Variants in FHIT observed in about 807,000 individuals in gnomAD.
FHIT encodes fragile histidine triad diadenosine triphosphatase.
FHIT carries 19 observed loss-of-function variants against 17.9 expected under a neutral mutation model. That is an observed-to-expected ratio of 1.06 (90% CI 0.74 to 1.56). The LOEUF is 1.56. FHIT is among the 40% of genes most tolerant of loss of function. The probability of loss-of-function intolerance (pLI) is 0.00; values close to 1 mark genes in which losing one functional copy is unlikely to be tolerated. For missense variants in FHIT, 248 were observed against 189.2 expected, an observed-to-expected ratio of 1.31 and a Z score of -1.82; for synonymous variants, 81 against 69.7, an observed-to-expected ratio of 1.16 and a Z score of -0.81.
At chr3:61,184,748 C>T (rs1226450577) in intron 2 of FHIT, among the ~76,000 whole-genome samples, 2 of 152,102 alleles carry the variant, frequency 1.3e-5, no homozygotes, top group Non-Finnish European at 2.9e-5. Context: ...CTACAAGCAT[C>T]TAAATGTAGA....
At chr3:60,809,392 G>C (rs1344220767) in intron 4 of FHIT, among the ~76,000 whole-genome samples, 1 of 152,094 alleles carries the variant, frequency 6.6e-6, no homozygotes, top group Non-Finnish European at 1.5e-5. Context: ...CATGGCACTA[G>C]ATAGTGGGGG....
At chr3:59,772,306 C>G (rs781732112) in intron 8 of FHIT, among the ~76,000 whole-genome samples, 6 of 152,218 alleles carry the variant, frequency 3.9e-5, no homozygotes, top group Non-Finnish European at 7.3e-5. Context: ...TTATCACCCA[C>G]GCTATTAGGC....
At chr3:59,918,387 T>C (rs1575694351) in intron 8 of FHIT, among the ~76,000 whole-genome samples, 1 of 152,264 alleles carries the variant, frequency 6.6e-6, no homozygotes. Context: ...GAAATAGGTA[T>C]GGCGATATAG....
chr3:60,372,583 T>C (rs924657858), intron 5 of FHIT, among the ~76,000 whole-genome samples: 3 of 152,208 alleles, frequency 2.0e-5, no homozygotes, highest in African/African-American at 7.2e-5. Context: ...TGAGTACAAG[T>C]TCGGGCCGAT....
chr3:60,787,093 T>G (rs73836125), intron 4 of FHIT, among the ~76,000 whole-genome samples: 1 of 152,092 alleles, frequency 6.6e-6, no homozygotes, highest in Non-Finnish European at 1.5e-5. Context: ...ATATATTATT[T>G]TGTCAGCTTC....
At chr3:60,813,892 G>A (rs927021589) in intron 4 of FHIT, among the ~76,000 whole-genome samples, 1 of 151,978 alleles carries the variant, frequency 6.6e-6, no homozygotes, top group Non-Finnish European at 1.5e-5. Context: ...GAGTTTGTCT[G>A]ATATTATTAT....
At chr3:61,228,895 T>C (rs147753899) in intron 1 of FHIT, among the ~76,000 whole-genome samples, 2 of 152,320 alleles carry the variant, frequency 1.3e-5, no homozygotes, top group East Asian at 3.9e-4. Flanking sequence ...ACTTCCTCTA[T>C]ACAAGGTACC....
chr3:60,715,162 C>G (rs1414954461), intron 4 of FHIT, among the ~76,000 whole-genome samples: 3 of 151,974 alleles, frequency 2.0e-5, no homozygotes, highest in Non-Finnish European at 4.4e-5. Context: ...TTTGACAAAC[C>G]TGACAAAAAC....
intron 5 of FHIT, among the ~76,000 whole-genome samples, chr3:60,020,664 C>G (rs1700522101): frequency 6.6e-6 from 1 of 152,014 alleles, no homozygotes; most frequent in South Asian, 2.1e-4. Flanking sequence ...CTCAGCAGAC[C>G]CTGTATAATT....
At chr3:59,765,720 G>A (rs892225387) in intron 8 of FHIT, among the ~76,000 whole-genome samples, 7 of 152,144 alleles carry the variant, frequency 4.6e-5, no homozygotes, top group Non-Finnish European at 8.8e-5. Context: ...ACAACAATAT[G>A]ACTGCCAGGT....
At chr3:61,013,850 TTTTC>T (rs1296621061) in intron 3 of FHIT, among the ~76,000 whole-genome samples, 15 of 152,226 alleles carry the variant, frequency 9.9e-5, no homozygotes, top group African/African-American at 3.1e-4. Flanking sequence ...TCTTTCACAG[TTTTC>T]TTTCTGAGAC....
chr3:60,897,579 T>G (rs1705894418), intron 3 of FHIT, among the ~76,000 whole-genome samples: 7 of 152,340 alleles, frequency 4.6e-5, no homozygotes, highest in Admixed American at 4.6e-4. Flanking sequence ...TTTCTTATAC[T>G]GGCTAATTTT....
At chr3:60,919,603 A>G (rs1707175554) in intron 3 of FHIT, among the ~76,000 whole-genome samples, 1 of 152,204 alleles carries the variant, frequency 6.6e-6, no homozygotes, top group Admixed American at 6.5e-5. Context: ...AGCAAAGAGC[A>G]AAGCAGAGAG....
chr3:60,398,906 G>T (rs1041078742), intron 5 of FHIT, among the ~76,000 whole-genome samples: 1 of 152,022 alleles, frequency 6.6e-6, no homozygotes, highest in Admixed American at 6.6e-5. Context: ...ATTTATGTAT[G>T]CATATACACA....
intron 8 of FHIT, among the ~76,000 whole-genome samples, chr3:59,787,944 G>A (rs536813215): frequency 7.9e-5 from 12 of 152,132 alleles, no homozygotes; most frequent in South Asian, 6.2e-4. Flanking sequence ...TCTTTTTACC[G>A]TAGAGTGAAA....
At chr3:61,078,494 G>A (rs1304704350) in intron 2 of FHIT, among the ~76,000 whole-genome samples, 4 of 152,062 alleles carry the variant, frequency 2.6e-5, no homozygotes, top group African/African-American at 9.7e-5. Flanking sequence ...ACAGGCACCC[G>A]ATAGTCATTA....
chr3:59,771,000 T>A (rs577628846), intron 8 of FHIT, among the ~76,000 whole-genome samples: 2 of 152,350 alleles, frequency 1.3e-5, no homozygotes, highest in South Asian at 4.1e-4. Context: ...TTTTCACATT[T>A]GCACATCGCC....
intron 8 of FHIT, among the ~76,000 whole-genome samples, chr3:59,884,863 C>T (rs1300369506): frequency 6.6e-6 from 1 of 152,184 alleles, no homozygotes; most frequent in Non-Finnish European, 1.5e-5. Flanking sequence ...AATATGCACT[C>T]TGTATGTCTC....
intron 3 of FHIT, among the ~76,000 whole-genome samples, chr3:60,866,779 C>T (rs74582062): frequency 0.049 from 7,413 of 152,254 alleles, 263 homozygotes; most frequent in Non-Finnish European, 0.077. Flanking sequence ...TCACAATTAT[C>T]AGGAGATATA....
Sources: allele counts gnomAD v4.1 joint callset (sites outside exome capture counted in the v4.1 genomes callset), GRCh38; gene constraint gnomAD v4.1.1; transcripts MANE v1.5; gene names NCBI Gene and HGNC (gene_info 2026-07-23, HGNC 2026-07-21).